Variants in FBXL2 observed in about 807,000 individuals in gnomAD.
FBXL2 encodes the protein F-box and leucine rich repeat protein 2, also known as F-box/LRR-repeat protein 2.
FBXL2 carries 38 observed loss-of-function variants against 69.2 expected under a neutral mutation model. That is an observed-to-expected ratio of 0.55 (90% CI 0.42 to 0.72). The LOEUF (loss-of-function observed/expected upper bound fraction) is 0.72, where lower values mean the gene tolerates loss of function less well. Ranked by LOEUF, FBXL2 falls within the 30% of genes least tolerant of loss-of-function variation. The pLI, the probability that FBXL2 is intolerant of heterozygous loss-of-function variation, is 0.00. For synonymous variants in FBXL2, 192 were observed against 201.3 expected (o/e 0.95, Z 0.39); for missense variants, 354 against 520.3 (o/e 0.68, Z 3.11).
intron 2 of FBXL2, among the ~76,000 whole-genome samples, chr3:33,303,567 G>T (rs752394609): frequency 6.6e-6 from 1 of 152,092 alleles, no homozygotes; most frequent in Non-Finnish European, 1.5e-5. Flanking sequence ...TTTTGCCTCA[G>T]AGCCTTATTC....
intron 2 of FBXL2, among the ~76,000 whole-genome samples, chr3:33,303,372 T>C (rs1474541001): frequency 6.6e-6 from 1 of 152,186 alleles, no homozygotes; most frequent in South Asian, 2.1e-4. Flanking sequence ...CTCCCTAAAC[T>C]GTTATGTACT....
chr3:33,329,538 G>A (rs2038987382), intron 2 of FBXL2, among the ~76,000 whole-genome samples: 1 of 151,294 alleles, frequency 6.6e-6, no homozygotes, highest in Admixed American at 6.6e-5. Flanking sequence ...GTGGATGAAT[G>A]GATAAAGAAA....
chr3:33,412,719 TA>T, the FBXL2 span: 1 of 1,591,100 alleles, frequency 6.3e-7, no homozygotes, highest in Non-Finnish European at 8.6e-7. Flanking sequence ...TCACTGCCTG[TA>T]CCTAAATCAA....
intron 1 of FBXL2, among the ~76,000 whole-genome samples, chr3:33,291,271 TCTGCTAAC>T (rs2035198182): frequency 6.6e-6 from 1 of 152,128 alleles, no homozygotes; most frequent in Admixed American, 6.5e-5. Context: ...CTTAAGCAAA[TCTGCTAAC>T]CTGGAATTCA....
intron 10 of FBXL2, among the ~76,000 whole-genome samples, chr3:33,376,986 T>C (rs988433987): frequency 1.3e-5 from 2 of 152,128 alleles, no homozygotes; most frequent in African/African-American, 4.8e-5. Context: ...GGTGACAGTA[T>C]GAGACGCTGT....
intron 2 of FBXL2, among the ~76,000 whole-genome samples, chr3:33,355,703 C>T (rs1362418547): frequency 1.3e-5 from 2 of 152,154 alleles, no homozygotes; most frequent in Non-Finnish European, 2.9e-5. Flanking sequence ...TTATTTATAA[C>T]CAGGGTGCTA....
intron 1 of FBXL2, among the ~76,000 whole-genome samples, chr3:33,293,646 T>C (rs934405207): frequency 6.6e-6 from 1 of 152,178 alleles, no homozygotes; most frequent in Non-Finnish European, 1.5e-5. Context: ...GAAAGTTTTT[T>C]TTTTTCCTGT....
chr3:33,320,700 C>T lies in FBXL2; in HGVS notation c.65+22975C>T, dbSNP rs949080392. 1.4e-4 allele frequency among the ~76,000 whole-genome samples: 21 copies of T among 151,802 alleles called. 1 individual carries two copies. The highest frequency in any genetic ancestry group is 7.2e-4 in the Admixed American group (11 of 15,228). ...TTCACCATGTTGGTCAGGCTGATCT[C>T]GAACTCCTGACCTGGTGATCCACCT... On this transcript the variant is annotated intron_variant, in intron 2 of 14. Transcript: ENST00000484457.
chr3:33,304,309 T>C (rs2036533745), intron 2 of FBXL2, among the ~76,000 whole-genome samples: 2 of 152,128 alleles, frequency 1.3e-5, no homozygotes, highest in African/African-American at 4.8e-5. Flanking sequence ...AACAACTTTG[T>C]ATTTATGATT....
intron 2 of FBXL2, among the ~76,000 whole-genome samples, chr3:33,331,802 T>C (rs2039187456): frequency 1.3e-5 from 2 of 152,026 alleles, no homozygotes; most frequent in South Asian, 4.2e-4. Flanking sequence ...TAAATAACTA[T>C]TAGATCAAGT....
chr3:33,327,738 A>G (rs1032641987), intron 2 of FBXL2, among the ~76,000 whole-genome samples: 2 of 152,158 alleles, frequency 1.3e-5, no homozygotes, highest in African/African-American at 2.4e-5. Context: ...GACATATACA[A>G]TCTACAAAGA....
intron 2 of FBXL2, among the ~76,000 whole-genome samples, chr3:33,318,953 T>C (rs1414182120): frequency 6.6e-6 from 1 of 152,164 alleles, no homozygotes; most frequent in East Asian, 1.9e-4. Flanking sequence ...AGTATAGGTG[T>C]GTTTCCTGAA....
At chr3:33,392,866 C>A (rs577534229), downstream of FBXL2, 3 of 407,260 alleles carry the variant, frequency 7.4e-6, no homozygotes, top group Non-Finnish European at 1.3e-5. Flanking sequence ...CATTCCCTGC[C>A]GGCTCCAGTG....
At chr3:33,327,191 TG>T (rs1330817999) in intron 2 of FBXL2, among the ~76,000 whole-genome samples, 1 of 152,206 alleles carries the variant, frequency 6.6e-6, no homozygotes, top group Non-Finnish European at 1.5e-5. Flanking sequence ...AACAGTCTTT[TG>T]TAAGGTAAAG....
intron 2 of FBXL2, among the ~76,000 whole-genome samples, chr3:33,319,007 C>G (rs2037959283): frequency 6.6e-6 from 1 of 152,180 alleles, no homozygotes; most frequent in Admixed American, 6.5e-5. Context: ...CAGTTTCTAA[C>G]ACGAACTTCA....
chr3:33,312,032 A>G (rs747980581), intron 2 of FBXL2, among the ~76,000 whole-genome samples: 9 of 152,154 alleles, frequency 5.9e-5, no homozygotes, highest in Non-Finnish European at 1.2e-4. Flanking sequence ...GCTATGCAAT[A>G]TAGATAGACA....
intron 1 of FBXL2, among the ~76,000 whole-genome samples, chr3:33,296,390 A>T (rs2035753458): frequency 6.6e-6 from 1 of 152,146 alleles, no homozygotes; most frequent in Non-Finnish European, 1.5e-5. Flanking sequence ...GATGAAGTCC[A>T]GTTTATCAAT....
chr3:33,412,581 CAAAA>C, the FBXL2 span: 908 of 498,966 alleles, frequency 1.8e-3, no homozygotes, highest in South Asian at 3.0e-3. Flanking sequence ...GGCTCTGTCT[CAAAA>C]AAAAAAAAAA....
chr3:33,365,868 C>G (rs1006547329), intron 5 of FBXL2, among the ~76,000 whole-genome samples: 1 of 152,082 alleles, frequency 6.6e-6, no homozygotes, highest in Admixed American at 6.6e-5. Context: ...TTAGGATATA[C>G]CCCCCATAAC....
Sources: allele counts gnomAD v4.1 joint callset (sites outside exome capture counted in the v4.1 genomes callset), GRCh38; gene constraint gnomAD v4.1.1; transcripts MANE v1.5; gene names NCBI Gene and HGNC (gene_info 2026-07-23, HGNC 2026-07-21).